Variants in PTPRT observed in about 807,000 individuals in gnomAD.
The protein encoded by PTPRT is receptor-type tyrosine-protein phosphatase T.
Under a neutral mutation model 176.8 loss-of-function variants are expected in PTPRT, and 56 were observed. The observed-to-expected ratio is 0.32, with a 90% CI of 0.26 to 0.40. PTPRT has a LOEUF of 0.40. Among genes scored for constraint, PTPRT ranks in the 10% least tolerant of loss-of-function variants. The pLI is 1.00. For synonymous variants in PTPRT, 783 were observed against 739.0 expected, an observed-to-expected ratio of 1.06 and a Z score of -0.96; for missense variants, 1,540 against 1,908.2, an observed-to-expected ratio of 0.81 and a Z score of 3.60.
At position 43,135,648 on chromosome 20, in the gene PTPRT, G is replaced by C. The variant is rs370007626; in HGVS notation, c.88+53998C>G. On this transcript the variant is annotated intron_variant, in intron 1 of 30. Coordinates refer to ENST00000373187, the MANE Select transcript of PTPRT (RefSeq NM_007050.6). ...GACTGTTACAAAGAAACACACTGTT[G>C]GTTGGGAAAGAAACAGAAAGATCCT... Among the ~76,000 whole-genome samples, 11 of 148,940 alleles carry C rather than the reference G, an allele frequency of 7.4e-5. No homozygotes were observed. The East Asian group carries it at 1.3e-3, about 18-fold the overall frequency.
intron 11 of PTPRT, among the ~76,000 whole-genome samples, chr20:42,331,197 T>C (rs1450814078): frequency 2.0e-5 from 3 of 151,214 alleles, no homozygotes; most frequent in African/African-American, 7.4e-5. Flanking sequence ...TAAAGTTACC[T>C]TACATGGTGA....
intron 7 of PTPRT, among the ~76,000 whole-genome samples, chr20:42,601,493 C>T (rs1012854891): frequency 6.6e-6 from 1 of 152,164 alleles, no homozygotes; most frequent in African/African-American, 2.4e-5. Flanking sequence ...ACACAAGAAA[C>T]ATGAGGCTCA....
At chr20:42,107,383 C>T (rs923007671) in intron 23 of PTPRT, among the ~76,000 whole-genome samples, 3 of 152,224 alleles carry the variant, frequency 2.0e-5, no homozygotes, top group African/African-American at 7.2e-5. Context: ...AGGCCGGCAT[C>T]TGGCTCCACC....
In PTPRT at chr20:42,611,405, A is replaced by G. The variant is rs191382743; in HGVS notation, c.1153+66461T>C. 1.6e-3 allele frequency among the ~76,000 whole-genome samples: 245 copies of G among 152,282 alleles called. 6 individuals are homozygous for G. The highest frequency in any genetic ancestry group is 0.014 in the Admixed American group (214 of 15,298). On this transcript the variant is annotated intron_variant, in intron 7 of 30. Coordinates refer to ENST00000373187, the MANE Select transcript of PTPRT (RefSeq NM_007050.6). ...TTTTATGTTATCTCATTTCATCTTCAGAACGCTGCCATAAGGGCAGGCACT... is the reference window on the plus strand; with the variant it reads ...TTTTATGTTATCTCATTTCATCTTCGGAACGCTGCCATAAGGGCAGGCACT...
intron 7 of PTPRT, among the ~76,000 whole-genome samples, chr20:42,621,531 G>A (rs2074196581): frequency 6.6e-6 from 1 of 152,138 alleles, no homozygotes; most frequent in Admixed American, 6.5e-5. Flanking sequence ...CCTCTTAAGG[G>A]GCCGCTTGGC....
intron 9 of PTPRT, among the ~76,000 whole-genome samples, chr20:42,441,321 C>T (rs574573586): frequency 4.6e-5 from 7 of 152,066 alleles, no homozygotes; most frequent in Non-Finnish European, 7.3e-5. Context: ...CCAGCCCTGA[C>T]GAGTGTAGAG....
rs1375800401 is a variant in PTPRT, at chr20:42,350,695, A to G, written c.1798T>C (p.Leu600=). 12 of 1,613,786 alleles carry G rather than the reference A, an allele frequency of 7.4e-6. No homozygotes were observed. The highest frequency in any genetic ancestry group is 1.0e-5 in the Non-Finnish European group (12 of 1,179,700). Residue 600 remains leucine (L), a synonymous_variant, in exon 11 of 31, where the codon TTG becomes CTG. Transcript: ENST00000373187. ...SMPEYDTDTP[L]NETDTTITVM... ...GTGATGGTCGTGTCTGTCTCATTCA[A>G]TGGGGTGTCTGTGTCGTACTCAGGC... is the stretch of plus-strand genomic sequence containing the variant.
chr20:42,568,842 G>T lies in PTPRT; in HGVS notation c.1154-96280C>A, dbSNP rs184810725. Among the ~76,000 whole-genome samples the T allele has an allele frequency of 7.3e-5, 11 of 151,624 alleles. No individual in the cohort carries two copies. In the East Asian group the frequency reaches 1.6e-3, roughly 22 times the overall value. On this transcript the variant is annotated intron_variant, in intron 7 of 30. Coordinates refer to ENST00000373187, the MANE Select transcript of PTPRT (RefSeq NM_007050.6). ...AGGTGGGTGGATCACGAGGTCAGGA[G>T]TTCAAGACCAGCCTGGCCAATATGG...
At chr20:42,889,946 A>G (rs1448631266) in intron 1 of PTPRT, among the ~76,000 whole-genome samples, 2 of 152,226 alleles carry the variant, frequency 1.3e-5, no homozygotes, top group Non-Finnish European at 2.9e-5. Flanking sequence ...CTGGTAAGGT[A>G]CTGGACACTC....
intron 7 of PTPRT, among the ~76,000 whole-genome samples, chr20:42,562,362 C>T (rs2072966299): frequency 6.6e-6 from 1 of 152,184 alleles, no homozygotes; most frequent in African/African-American, 2.4e-5. Context: ...ACAGTATATA[C>T]TGTTTGCGTC....
chr20:42,545,123 T>G (rs2072651772), intron 7 of PTPRT, among the ~76,000 whole-genome samples: 1 of 152,216 alleles, frequency 6.6e-6, no homozygotes, highest in South Asian at 2.1e-4. Context: ...TTCTGCCACT[T>G]CAGACCTGCC....
chr20:42,481,371 G>T (rs984513482), intron 7 of PTPRT, among the ~76,000 whole-genome samples: 8 of 152,072 alleles, frequency 5.3e-5, no homozygotes, highest in African/African-American at 1.9e-4. Flanking sequence ...GGTCTTACAG[G>T]ATTATTCTTT....
intron 1 of PTPRT, among the ~76,000 whole-genome samples, chr20:43,165,588 C>T (rs1350156319): frequency 6.6e-6 from 1 of 152,164 alleles, no homozygotes; most frequent in East Asian, 1.9e-4. Flanking sequence ...TTACAAATTA[C>T]CTAGTCTCAG....
intron 5 of PTPRT, among the ~76,000 whole-genome samples, chr20:42,764,695 A>G (rs1187131011): frequency 6.6e-6 from 1 of 152,216 alleles, no homozygotes; most frequent in African/African-American, 2.4e-5. Flanking sequence ...CTCCTCACCT[A>G]TAAACAGGGC....
Position 42,730,056 on chromosome 20 carries a change from G to A in PTPRT, c.859+26406C>T, listed in dbSNP as rs1336180659. Among the ~76,000 whole-genome samples, 4 of 152,278 alleles carry A rather than the reference G, an allele frequency of 2.6e-5. No homozygotes were observed. The East Asian group carries it at 7.7e-4, about 29-fold the overall frequency. On this transcript the variant is annotated intron_variant, in intron 6 of 30. Transcript: ENST00000373187. ...TTGCCCTAATTTTACAAATGAGAAAGGCTCAAAATGAAAGTATGACACCAA... is the reference window on the plus strand; with the variant it reads ...TTGCCCTAATTTTACAAATGAGAAAAGCTCAAAATGAAAGTATGACACCAA...
intron 1 of PTPRT, among the ~76,000 whole-genome samples, chr20:43,165,834 C>T (rs1302364637): frequency 6.6e-6 from 1 of 152,168 alleles, no homozygotes; most frequent in Non-Finnish European, 1.5e-5. Flanking sequence ...AAAAATGTGT[C>T]AACAGGGAAT....
intron 1 of PTPRT, among the ~76,000 whole-genome samples, chr20:43,017,860 G>A (rs547243004): frequency 3.3e-5 from 5 of 152,200 alleles, no homozygotes; most frequent in African/African-American, 4.8e-5. Flanking sequence ...GAGGCAGTGC[G>A]CAGAGCAAGC....
intron 15 of PTPRT, among the ~76,000 whole-genome samples, chr20:42,221,111 C>T (rs1300921759): frequency 6.6e-6 from 1 of 152,192 alleles, no homozygotes; most frequent in East Asian, 1.9e-4. Flanking sequence ...AGAAGCAATT[C>T]TCCTACCTCA....
intron 8 of PTPRT, among the ~76,000 whole-genome samples, chr20:42,458,131 C>T (rs957313173): frequency 6.6e-6 from 1 of 152,152 alleles, no homozygotes; most frequent in Non-Finnish European, 1.5e-5. Flanking sequence ...TTGGGACTCC[C>T]TCTCCCATGA....
Sources: allele counts gnomAD v4.1 joint callset (sites outside exome capture counted in the v4.1 genomes callset), GRCh38; gene constraint gnomAD v4.1.1; transcripts MANE v1.5; gene names NCBI Gene and HGNC (gene_info 2026-07-23, HGNC 2026-07-21).